Variants in MAD1L1 observed in about 807,000 individuals in gnomAD.
MAD1L1 encodes the protein mitotic spindle assembly checkpoint protein MAD1.
MAD1L1 carries 95 observed loss-of-function variants against 96.9 expected under a neutral mutation model. The ratio of observed to expected loss-of-function variants is 0.98; its 90% CI spans 0.83 to 1.16. The LOEUF (loss-of-function observed/expected upper bound fraction) is 1.16, where lower values mean the gene tolerates loss of function less well. MAD1L1 is among the 50% of genes most tolerant of loss of function. The pLI is 0.00. For synonymous variants in MAD1L1, 473 were observed against 396.6 expected (o/e 1.19, Z -2.29); for missense variants, 1,007 against 954.4 (o/e 1.06, Z -0.73).
intron 10 of MAD1L1, among the ~76,000 whole-genome samples, chr7:2,170,806 A>G (rs1202174381): frequency 6.6e-6 from 1 of 152,182 alleles, no homozygotes; most frequent in East Asian, 1.9e-4. Flanking sequence ...ACACAGGCTG[A>G]GAAGGGAAAG....
chr7:2,225,369 C>T, intron 4 of MAD1L1, 41 bp downstream of exon 4: 1 of 1,610,002 alleles, frequency 6.2e-7, no homozygotes, highest in African/African-American at 1.3e-5. Context: ...CCCTTGCTTC[C>T]TGGGGCTGTC....
intron 18 of MAD1L1, among the ~76,000 whole-genome samples, chr7:1,834,058 A>G (rs1304287769): frequency 6.6e-6 from 1 of 152,240 alleles, no homozygotes; most frequent in African/African-American, 2.4e-5. Context: ...AAATGTGGAA[A>G]CTAACACACT....
intron 15 of MAD1L1, among the ~76,000 whole-genome samples, chr7:1,973,517 T>C (rs4721266): frequency 0.034 from 5,174 of 151,490 alleles, 195 homozygotes; most frequent in East Asian, 0.087. Flanking sequence ...CAGTGGGGAA[T>C]GTGTACCTGC....
chr7:2,228,325 G>A (rs534581317), intron 3 of MAD1L1, among the ~76,000 whole-genome samples: 24 of 151,712 alleles, frequency 1.6e-4, no homozygotes, highest in African/African-American at 4.8e-4. Context: ...GCAGTGGCGC[G>A]ATGGCTCACT....
At chr7:1,826,739 GA>G (rs1199556129) in intron 18 of MAD1L1, among the ~76,000 whole-genome samples, 4 of 152,276 alleles carry the variant, frequency 2.6e-5, no homozygotes, top group Non-Finnish European at 5.9e-5. Flanking sequence ...AAGTTCCAAA[GA>G]ACGGAAGCTG....
chr7:1,906,159 C>G (rs1250035332), intron 17 of MAD1L1, among the ~76,000 whole-genome samples: 2 of 152,060 alleles, frequency 1.3e-5, no homozygotes, highest in African/African-American at 2.4e-5. Flanking sequence ...GCTGAGGCAG[C>G]TGGCCCACGT....
intron 16 of MAD1L1, among the ~76,000 whole-genome samples, chr7:1,951,761 C>T (rs945863598): frequency 5.9e-5 from 9 of 152,112 alleles, no homozygotes; most frequent in Admixed American, 2.0e-4. Flanking sequence ...CGGCAGGTGT[C>T]GGGACGCGCC....
chr7:2,090,446 T>C (rs1029598797), intron 11 of MAD1L1, among the ~76,000 whole-genome samples: 1 of 152,196 alleles, frequency 6.6e-6, no homozygotes, highest in Non-Finnish European at 1.5e-5. Flanking sequence ...GACAGTACAG[T>C]GAGTTCCCAG....
At chr7:1,921,366 T>G (rs1788784304) in intron 17 of MAD1L1, among the ~76,000 whole-genome samples, 1 of 151,974 alleles carries the variant, frequency 6.6e-6, no homozygotes, top group Non-Finnish European at 1.5e-5. Flanking sequence ...TTGCCCAGGC[T>G]GGAGTGCAAT....
At position 2,219,449 on chromosome 7, in the gene MAD1L1, T is replaced by C. The variant is rs550573452; in HGVS notation, c.479A>G (p.Asn160Ser). ...TTCCGAGATCCTCCCCTTCAGTGCG[T>C]TGATGGTCTAAAAGTAGAGGGGACC... Reference protein sequence around the residue: ...DSLAQAGETINALKGRISELQ... With the variant: ...DSLAQAGETISALKGRISELQ... The change falls in exon 6 of 19, where the codon AAC (asparagine) becomes AGC (serine). Residue 160 changes from asparagine (N) to serine (S), a missense_variant. Asn to Ser is a conservative substitution (Grantham distance 46). Coordinates refer to ENST00000265854, the MANE Select transcript of MAD1L1 (RefSeq NM_001013836.2). 261 of 1,613,312 alleles carry C rather than the reference T, an allele frequency of 1.6e-4. 2 individuals carry two copies. The East Asian group carries it at 5.3e-3, about 33-fold the overall frequency.
chr7:2,075,125 T>G (rs1785315217), intron 11 of MAD1L1, among the ~76,000 whole-genome samples: 1 of 151,422 alleles, frequency 6.6e-6, no homozygotes, highest in African/African-American at 2.4e-5. Flanking sequence ...GAGGGGAAGG[T>G]CCAGCAGAGG....
intron 10 of MAD1L1, among the ~76,000 whole-genome samples, chr7:2,209,218 C>T (rs548920527): frequency 6.6e-6 from 1 of 152,306 alleles, no homozygotes; most frequent in South Asian, 2.1e-4. Context: ...AGCCAGCCTG[C>T]CCAGCCTCCT....
chr7:2,051,642 AC>A (rs1562640147), intron 12 of MAD1L1, among the ~76,000 whole-genome samples: 2 of 74,430 alleles, frequency 2.7e-5, no homozygotes, highest in African/African-American at 5.2e-5. Context: ...CACCTCCCCC[AC>A]CCCCCCACCA....
intron 11 of MAD1L1, among the ~76,000 whole-genome samples, chr7:2,120,052 G>A (rs899072306): frequency 6.6e-6 from 1 of 152,154 alleles, no homozygotes; most frequent in African/African-American, 2.4e-5. Context: ...TCTCCCTGGG[G>A]ACCAGGTGGC....
intron 14 of MAD1L1, among the ~76,000 whole-genome samples, chr7:1,997,008 AG>A (rs571712597): frequency 5.3e-5 from 8 of 152,268 alleles, no homozygotes; most frequent in Admixed American, 2.0e-4. Context: ...CTAGCTAATT[AG>A]GGGGGTTCGC....
chr7:2,209,926 C>T (rs1792819248), intron 10 of MAD1L1: 2 of 152,312 alleles, frequency 1.3e-5, no homozygotes, highest in South Asian at 4.1e-4. Flanking sequence ...CATGGGGGCC[C>T]CCGTGGCCCC....
chr7:2,090,933 T>C (rs1786179701), intron 11 of MAD1L1, among the ~76,000 whole-genome samples: 1 of 152,228 alleles, frequency 6.6e-6, no homozygotes, highest in African/African-American at 2.4e-5. Flanking sequence ...TACATCCATT[T>C]TATCTGCAAT....
chr7:2,103,996 T>C lies in MAD1L1; in HGVS notation c.1074-34658A>G, dbSNP rs1327981577. ...CAGCCGGTGTCTGGAAATCATTCAA[T>C]GAAGGTAAGGAGTGTGCTCCTCAGC... On this transcript the variant is annotated intron_variant, in intron 11 of 18. Coordinates refer to ENST00000265854, the MANE Select transcript of MAD1L1 (RefSeq NM_001013836.2). The surrounding 1 kb of genome is among the most constrained non-coding windows in gnomAD (Gnocchi z 4.3). Among the ~76,000 whole-genome samples, 3 of 152,166 alleles carry C rather than the reference T, an allele frequency of 2.0e-5. No individual in the cohort carries two copies. Among genetic ancestry groups the C allele is most frequent in the African/African-American group, 4.8e-5 (2 of 41,432 alleles).
At chr7:2,218,147 TC>T in intron 6 of MAD1L1, 104 bp from the exon 7 acceptor site, 1 of 845,034 alleles carries the variant, frequency 1.2e-6, no homozygotes, top group Non-Finnish European at 2.0e-6. Context: ...ATACGTTCAT[TC>T]CCACCCCAAG....
Sources: gnomAD v4.1 joint callset for allele counts (sites outside exome capture counted in the v4.1 genomes callset) on GRCh38, gnomAD v4.1.1 for gene constraint, Gnocchi (gnomAD v3.1) non-coding constraint, MANE v1.5 for transcripts, NCBI Gene and HGNC (gene_info 2026-07-23, HGNC 2026-07-21) for gene names.